Variants in INSR observed in about 807,000 individuals in gnomAD.
The protein encoded by INSR is IR.
Under a neutral mutation model 142.6 loss-of-function variants are expected in INSR, and 67 were observed. The ratio of observed to expected loss-of-function variants is 0.47; its 90% CI spans 0.39 to 0.58. The LOEUF (loss-of-function observed/expected upper bound fraction) is 0.58. Among genes scored for constraint, INSR ranks in the 20% least tolerant of loss-of-function variants. The pLI, the probability that INSR is intolerant of heterozygous loss-of-function variation, is 0.00. For synonymous variants in INSR, 756 were observed against 743.1 expected, an observed-to-expected ratio of 1.02 and a Z score of -0.28; for missense variants, 1,248 against 1,833.2, an observed-to-expected ratio of 0.68 and a Z score of 5.83.
intron 2 of INSR, among the ~76,000 whole-genome samples, chr19:7,250,438 A>AGGGAGGT (rs1976681648): frequency 2.5e-5 from 2 of 79,274 alleles, no homozygotes; most frequent in South Asian, 3.9e-4. Context: ...AGAAAGAAGA[A>AGGGAGGT]AAGAAAGAAG....
In INSR at chr19:7,166,078, C is replaced by A; in HGVS notation, c.1861+76G>T. 7.2e-6 allele frequency: 11 copies of A among 1,520,496 alleles called. No individual in the cohort carries two copies. The highest frequency in any genetic ancestry group is 2.3e-5 in the East Asian group (1 of 43,634). 94.2% of individuals were successfully genotyped at this position (1,520,496 alleles called of 1,614,324 possible). A position where few individuals can be genotyped will look rare whatever the true frequency, so the allele number is the denominator to read the frequency against. ...TAACCATATCAAGGAGCATTTTATA[C>A]AACCTCACTGCATCAGCCTATTAAA... On this transcript the variant is annotated intron_variant, in intron 8 of 21. Transcript: ENST00000302850. This position sits in a 1 kb window ranked among gnomAD's most constrained non-coding sequence, Gnocchi z 4.1.
At chr19:7,288,890 G>A (rs1184215489) in intron 1 of INSR, among the ~76,000 whole-genome samples, 2 of 150,314 alleles carry the variant, frequency 1.3e-5, no homozygotes, top group Non-Finnish European at 1.5e-5. Context: ...TTGAACCCAG[G>A]AGACGGAGGT....
intron 15 of INSR, among the ~76,000 whole-genome samples, chr19:7,128,414 A>G (rs922813939): frequency 2.0e-5 from 3 of 151,802 alleles, no homozygotes; most frequent in Non-Finnish European, 4.4e-5. Context: ...AGGTTTCACC[A>G]TGTTGGCCAG....
intron 2 of INSR, among the ~76,000 whole-genome samples, chr19:7,204,608 A>C (rs8108661): frequency 0.59 from 90,024 of 152,070 alleles, 27,423 homozygotes; most frequent in African/African-American, 0.76. Context: ...GCTAATCAAG[A>C]CCCACCTTGC....
intron 9 of INSR, among the ~76,000 whole-genome samples, chr19:7,154,120 C>T (rs1326989178): frequency 6.6e-6 from 1 of 151,762 alleles, no homozygotes. Context: ...GAGATGGCAC[C>T]ACTGCACTCC....
intron 1 of INSR, among the ~76,000 whole-genome samples, chr19:7,270,285 T>C (rs1046026577): frequency 2.3e-4 from 35 of 151,510 alleles, no homozygotes; most frequent in African/African-American, 7.0e-4. Context: ...GCCCTGGGCT[T>C]CTCAACCCTG....
At chr19:7,275,643 TC>T (rs113110413) in intron 1 of INSR, among the ~76,000 whole-genome samples, 2 of 150,346 alleles carry the variant, frequency 1.3e-5, no homozygotes, top group Admixed American at 6.6e-5. Context: ...CTTAGCGGGG[TC>T]GGGGGAGTGG....
At chr19:7,248,957 C>A (rs1460667132) in intron 2 of INSR, among the ~76,000 whole-genome samples, 1 of 151,940 alleles carries the variant, frequency 6.6e-6, no homozygotes, top group African/African-American at 2.4e-5. Context: ...CAGGGTTTCT[C>A]CATGTTGATC....
chr19:7,133,959 G>T (rs897194194), intron 13 of INSR, among the ~76,000 whole-genome samples: 2 of 152,126 alleles, frequency 1.3e-5, no homozygotes, highest in Non-Finnish European at 2.9e-5. Flanking sequence ...ATGGGATATA[G>T]CTTACTGACT....
chr19:7,145,931 T>G (rs1445716450), intron 11 of INSR, among the ~76,000 whole-genome samples: 1 of 152,248 alleles, frequency 6.6e-6, no homozygotes, highest in East Asian at 1.9e-4. Context: ...GCTGTTGGTT[T>G]AACCTAGGTA....
At chr19:7,176,219 G>A (rs1338679218) in intron 3 of INSR, among the ~76,000 whole-genome samples, 2 of 152,204 alleles carry the variant, frequency 1.3e-5, no homozygotes, top group African/African-American at 2.4e-5. Flanking sequence ...ACTGGATCAT[G>A]GTGGGCGGAG....
At position 7,248,619 on chromosome 19, in the gene INSR, C is replaced by A. The variant is rs184882005; in HGVS notation, c.652+18726G>T. On this transcript the variant is annotated intron_variant, in intron 2 of 21. Transcript: ENST00000302850. ...GAGGAAAATGAAGTTATGAGTAAAC[C>A]TGGGAAAGCCCTTCATAAATATTCT... 6.0e-5 allele frequency among the ~76,000 whole-genome samples: 9 copies of A among 148,978 alleles called. No individual in the cohort carries two copies. In the East Asian group the frequency reaches 1.8e-3, roughly 29 times the overall value.
chr19:7,210,770 C>A (rs532721634), intron 2 of INSR, among the ~76,000 whole-genome samples: 22 of 152,184 alleles, frequency 1.4e-4, no homozygotes, highest in African/African-American at 5.1e-4. Context: ...TACTCTGTGG[C>A]CCAGGCTGGA....
At chr19:7,288,658 GA>G (rs57281993) in intron 1 of INSR, among the ~76,000 whole-genome samples, 33,190 of 97,004 alleles carry the variant, frequency 0.34, 5,366 homozygotes, top group Non-Finnish European at 0.48. Context: ...ATAAAAATTG[GA>G]AAAAAAAAAA....
At chr19:7,203,653 GGCAGA>G (rs1975027528) in intron 2 of INSR, among the ~76,000 whole-genome samples, 1 of 152,146 alleles carries the variant, frequency 6.6e-6, no homozygotes, top group Admixed American at 6.6e-5. Context: ...TGCACGAGCT[GGCAGA>G]GTCTAGGGAC....
chr19:7,200,735 T>C (rs1396836278), intron 2 of INSR, among the ~76,000 whole-genome samples: 1 of 151,400 alleles, frequency 6.6e-6, no homozygotes, highest in African/African-American at 2.4e-5. Context: ...TGACACATGA[T>C]TGTAGTTCCA....
intron 2 of INSR, among the ~76,000 whole-genome samples, chr19:7,221,406 AAAGAAG>A (rs1555754882): frequency 2.5e-5 from 3 of 118,516 alleles, no homozygotes; most frequent in African/African-American, 9.2e-5. Context: ...GAGGAGGAGG[AAAGAAG>A]AAGAAGAAGA....
chr19:7,238,418 A>C (rs1007441185), intron 2 of INSR, among the ~76,000 whole-genome samples: 6 of 151,916 alleles, frequency 3.9e-5, no homozygotes, highest in African/African-American at 1.2e-4. Context: ...TCATGAGTTC[A>C]AGACCAGCCT....
At chr19:7,120,788 C>T (rs371494268) in intron 19 of INSR, 39 bp from the exon 20 acceptor site, 6 of 1,609,404 alleles carry the variant, frequency 3.7e-6, no homozygotes, top group Non-Finnish European at 5.1e-6. Context: ...TAACCTTCAG[C>T]CTTGGTCCTA....
Sources: gnomAD v4.1 joint callset for allele counts (sites outside exome capture counted in the v4.1 genomes callset) on GRCh38, gnomAD v4.1.1 for gene constraint, Gnocchi (gnomAD v3.1) non-coding constraint, MANE v1.5 for transcripts, NCBI Gene and HGNC (gene_info 2026-07-23, HGNC 2026-07-21) for gene names.